The following TSPEAR variants were observed in gnomAD, a reference collection of about 807,000 sequenced individuals.
The protein encoded by TSPEAR is thrombospondin type laminin G domain and EAR repeats.
Under a neutral mutation model 71.6 loss-of-function variants are expected in TSPEAR, and 69 were observed. The observed-to-expected ratio is 0.96, with a 90% confidence interval of 0.79 to 1.18. The LOEUF (loss-of-function observed/expected upper bound fraction) is 1.18, where lower values mean the gene tolerates loss of function less well. TSPEAR is among the 50% of genes most tolerant of loss of function. TSPEAR has a pLI of 0.00. For synonymous variants in TSPEAR, 402 were observed against 387.2 expected, an observed-to-expected ratio of 1.04 and a Z score of -0.45; for missense variants, 971 against 894.9, an observed-to-expected ratio of 1.09 and a Z score of -1.09.
chr21:44,589,454 G>A (rs1979603929), intron 1 of TSPEAR, among the ~76,000 whole-genome samples: 1 of 152,206 alleles, frequency 6.6e-6, no homozygotes, highest in African/African-American at 2.4e-5. Flanking sequence ...GTGTACATGG[G>A]CGCACAAATC....
intron 8 of TSPEAR, among the ~76,000 whole-genome samples, chr21:44,524,183 ACAGT>A (rs782086689): frequency 3.2e-4 from 47 of 149,134 alleles, no homozygotes; most frequent in East Asian, 1.0e-3. Flanking sequence ...AGTCAGTCAG[ACAGT>A]CAGGTAGTTA....
At chr21:44,510,616 G>C (rs2052341994) in intron 9 of TSPEAR, 1 of 152,160 alleles carries the variant, frequency 6.6e-6, no homozygotes, top group African/African-American at 2.4e-5. Context: ...GGTGCTGCAG[G>C]AAAGAGAAAA....
chr21:44,578,231 T>G (rs1281188166), intron 1 of TSPEAR, among the ~76,000 whole-genome samples: 5 of 151,974 alleles, frequency 3.3e-5, no homozygotes, highest in Non-Finnish European at 5.9e-5. Context: ...TGTAGATATT[T>G]AAAGGAAACC....
At chr21:44,679,809 G>A (rs1474195434) in intron 1 of TSPEAR, among the ~76,000 whole-genome samples, 1 of 152,178 alleles carries the variant, frequency 6.6e-6, no homozygotes, top group Non-Finnish European at 1.5e-5. Context: ...TTCAATAAAT[G>A]GTGCTGGGAA....
At chr21:44,535,599 G>A (rs1393529916) in intron 2 of TSPEAR, among the ~76,000 whole-genome samples, 1 of 152,176 alleles carries the variant, frequency 6.6e-6, no homozygotes, top group Admixed American at 6.5e-5. Context: ...CACTGCGACT[G>A]CCTGCAGTAT....
intron 10 of TSPEAR, among the ~76,000 whole-genome samples, chr21:44,505,428 C>T (rs1569149439): frequency 6.6e-6 from 1 of 152,018 alleles, no homozygotes; most frequent in Non-Finnish European, 1.5e-5. Context: ...TTTCCCACCT[C>T]AACCATCTTT....
chr21:44,624,613 C>T (rs1161541725), intron 1 of TSPEAR, among the ~76,000 whole-genome samples: 3 of 152,176 alleles, frequency 2.0e-5, no homozygotes, highest in East Asian at 1.9e-4. Flanking sequence ...TTCTTCTTTC[C>T]GTTTTTTCCT....
chr21:44,661,151 G>A (rs1601541440), intron 1 of TSPEAR, among the ~76,000 whole-genome samples: 1 of 151,920 alleles, frequency 6.6e-6, no homozygotes. Flanking sequence ...GCGGGCGCCT[G>A]TAGTCCCAGC....
intron 1 of TSPEAR, among the ~76,000 whole-genome samples, chr21:44,603,395 C>T (rs1981107661): frequency 6.6e-6 from 1 of 152,182 alleles, no homozygotes; most frequent in South Asian, 2.1e-4. Flanking sequence ...TGTGGTGAGT[C>T]CCCCAACTAC....
At chr21:44,677,197 C>A in intron 1 of TSPEAR, 1 of 712,522 alleles carries the variant, frequency 1.4e-6, no homozygotes, top group Non-Finnish European at 2.6e-6. Flanking sequence ...TTTGCATTTT[C>A]AGTCACACTT....
chr21:44,625,671 C>A (rs1166404257), intron 1 of TSPEAR, among the ~76,000 whole-genome samples: 1 of 152,230 alleles, frequency 6.6e-6, no homozygotes, highest in Non-Finnish European at 1.5e-5. Context: ...TTCCTTGCTC[C>A]CCTTCTCCCT....
At chr21:44,536,750 T>C (rs1203837767) in intron 2 of TSPEAR, among the ~76,000 whole-genome samples, 1 of 152,212 alleles carries the variant, frequency 6.6e-6, no homozygotes, top group Non-Finnish European at 1.5e-5. Context: ...TAAATTCTCC[T>C]TATTTTCAAA....
At position 44,540,057 on chromosome 21, in the gene TSPEAR, A is replaced by C. The variant is rs781918670; in HGVS notation, c.304-6134T>G. On this transcript the variant is annotated intron_variant, in intron 2 of 11. Transcript: ENST00000323084. Reference sequence around the variant, plus strand: ...GCCGGGGCGCAGCAGCTGAGGGCGCAGCAGTGGGGCTCACAGCAGCTCTCT... The same window carrying C: ...GCCGGGGCGCAGCAGCTGAGGGCGCCGCAGTGGGGCTCACAGCAGCTCTCT... 7.4e-6 allele frequency: 12 copies of C among 1,613,202 alleles called. No individual in the cohort carries two copies. The African/African-American group carries it at 1.5e-4, about 20-fold the overall frequency.
intron 1 of TSPEAR, chr21:44,601,251 G>T: frequency 6.2e-7 from 1 of 1,609,250 alleles, no homozygotes; most frequent in East Asian, 2.3e-5. Flanking sequence ...CGTGCTGCCA[G>T]CAGTCTAGCT....
Position 44,646,651 on chromosome 21 carries a change from A to C in TSPEAR, c.82+64782T>G, listed in dbSNP as rs200887607. 4.0e-5 allele frequency: 65 copies of C among 1,613,502 alleles called. 1 individual carries two copies. The African/African-American group carries it at 7.1e-4, about 18-fold the overall frequency. ...CTGCTGCCAGGCGGCCTGTGAGCCC[A>C]GCGCCTGCCAATCAGGCTGCACCAG... On this transcript the variant is annotated intron_variant, in intron 1 of 11. Transcript: ENST00000323084.
intron 1 of TSPEAR, among the ~76,000 whole-genome samples, chr21:44,588,173 A>T (rs907236700): frequency 6.6e-6 from 1 of 152,176 alleles, no homozygotes; most frequent in Admixed American, 6.6e-5. Context: ...CAAACAAATT[A>T]TAAAGAAAAA....
intron 1 of TSPEAR, chr21:44,697,890 C>T: frequency 6.2e-7 from 1 of 1,603,206 alleles, no homozygotes; most frequent in African/African-American, 1.3e-5. Context: ...CGCCTGGCCT[C>T]CTGCGGGTCC....
intron 1 of TSPEAR, chr21:44,682,181 C>G: frequency 6.3e-7 from 1 of 1,575,348 alleles, no homozygotes; most frequent in Non-Finnish European, 8.6e-7. Flanking sequence ...GGGATGGCCT[C>G]CCTGGGTAGC....
chr21:44,553,677 G>A (rs1555919409), intron 2 of TSPEAR, among the ~76,000 whole-genome samples: 1 of 152,044 alleles, frequency 6.6e-6, no homozygotes, highest in Non-Finnish European at 1.5e-5. Context: ...AGAGGTGTGT[G>A]TATTTGGAGT....
Sources: allele counts gnomAD v4.1 joint callset (sites outside exome capture counted in the v4.1 genomes callset), GRCh38; gene constraint gnomAD v4.1.1; transcripts MANE v1.5; gene names NCBI Gene and HGNC (gene_info 2026-07-23, HGNC 2026-07-21).